The following MAN2A1 variants were observed in gnomAD, a reference collection of about 807,000 sequenced individuals.
MAN2A1 encodes mannosidase alpha class 2A member 1, also known as alpha-mannosidase 2.
A neutral mutation model predicts 142.6 loss-of-function variants in MAN2A1; 76 were observed. The ratio of observed to expected loss-of-function variants is 0.53; its 90% CI spans 0.44 to 0.65. The LOEUF is 0.65. Ranked by LOEUF, MAN2A1 falls within the 30% of genes least tolerant of loss-of-function variation. The pLI is 0.00. For missense variants in MAN2A1, 1,311 were observed against 1,365.1 expected (o/e 0.96, Z 0.62); for synonymous variants, 559 against 473.2 (o/e 1.18, Z -2.35).
rs1479431927 is a variant in MAN2A1, at chr5:109,766,913, G to A, written c.836-622G>A. On this transcript the variant is annotated intron_variant, in intron 5 of 21. Coordinates refer to ENST00000261483, the MANE Select transcript of MAN2A1 (RefSeq NM_002372.4). The stretch of plus-strand genomic sequence containing the variant: ...CTTTAGTCAGTAGTTCACATTATTG[G>A]TGTGAGCCAGCTATGAGAAATCACT... Among the ~76,000 whole-genome samples the A allele has an allele frequency of 3.9e-5, 6 of 151,928 alleles. No homozygotes were observed. The East Asian group carries it at 1.2e-3, about 29-fold the overall frequency.
Position 109,835,371 on chromosome 5 carries a change from TTAGA to T in MAN2A1, c.2567-6950_2567-6947del, listed in dbSNP as rs10561129. On this transcript the variant is annotated intron_variant, in intron 16 of 21. Coordinates refer to ENST00000261483, the MANE Select transcript of MAN2A1 (RefSeq NM_002372.4). ...GGAGGAAAGGAGATGAGAGCAACAA[TTAGA>T]TAGATAACAAGGTTCCCTTTGCCTG... Among the ~76,000 whole-genome samples the T allele has an allele frequency of 4.5e-3, 692 of 152,272 alleles. 6 individuals carry two copies. The highest frequency in any genetic ancestry group is 0.016 in the African/African-American group (657 of 41,560).
intron 8 of MAN2A1, 134 bp downstream of exon 8, chr5:109,775,099 A>G (rs1331485297): frequency 3.4e-5 from 21 of 616,852 alleles, no homozygotes; most frequent in Non-Finnish European, 5.1e-5. Context: ...TGTGTAAAAT[A>G]TAATCCATTA....
intron 16 of MAN2A1, among the ~76,000 whole-genome samples, chr5:109,832,156 G>GTTTTCTTT (rs1754924406): frequency 1.3e-5 from 1 of 79,230 alleles, no homozygotes; most frequent in Non-Finnish European, 2.6e-5. Flanking sequence ...AATGGAAGGA[G>GTTTTCTTT]TTTTCTTTTT....
intron 7 of MAN2A1, among the ~76,000 whole-genome samples, chr5:109,773,715 A>T (rs1753210976): frequency 6.6e-6 from 1 of 152,204 alleles, no homozygotes; most frequent in Non-Finnish European, 1.5e-5. Context: ...TTACAAATGT[A>T]AAAAGGACCA....
chr5:109,793,491 C>A (rs530318056), intron 12 of MAN2A1, among the ~76,000 whole-genome samples: 1 of 152,000 alleles, frequency 6.6e-6, no homozygotes, highest in South Asian at 2.1e-4. Flanking sequence ...CATAGAAGAA[C>A]ATGGTTCACA....
intron 16 of MAN2A1, among the ~76,000 whole-genome samples, chr5:109,838,277 G>C (rs1039874512): frequency 2.0e-5 from 3 of 152,064 alleles, no homozygotes; most frequent in Non-Finnish European, 4.4e-5. Context: ...GCAGCAAGAG[G>C]GCACATATTT....
chr5:109,805,844 G>A (rs1754150327), intron 12 of MAN2A1, among the ~76,000 whole-genome samples: 2 of 152,204 alleles, frequency 1.3e-5, no homozygotes, highest in African/African-American at 2.4e-5. Context: ...ATAACCAAGT[G>A]TTTCCAGTAA....
Position 109,826,950 on chromosome 5 carries a change from AT to A in MAN2A1, c.2566+3114del, listed in dbSNP as rs35995072. Reference sequence around the variant, plus strand: ...GCAAAGGAAACGTCAGCCAACTTCCATGCTGTTGTAGATTGGCTTTTAGCTA... The same window carrying A: ...GCAAAGGAAACGTCAGCCAACTTCCAGCTGTTGTAGATTGGCTTTTAGCTA... On this transcript the variant is annotated intron_variant, in intron 16 of 21. Transcript: ENST00000261483. Among the ~76,000 whole-genome samples, 966 of 152,384 alleles carry A rather than the reference AT, an allele frequency of 6.3e-3. 3 individuals are homozygous for A. The highest frequency in any genetic ancestry group is 0.01 in the Non-Finnish European group (700 of 68,038).
At chr5:109,725,810 T>C (rs1183207995) in intron 3 of MAN2A1, among the ~76,000 whole-genome samples, 2 of 152,196 alleles carry the variant, frequency 1.3e-5, no homozygotes, top group Non-Finnish European at 2.9e-5. Flanking sequence ...ATTTTAAAAA[T>C]AAATTGTGAT....
At chr5:109,775,784 A>G (rs1259329480) in intron 8 of MAN2A1, among the ~76,000 whole-genome samples, 1 of 152,182 alleles carries the variant, frequency 6.6e-6, no homozygotes, top group Non-Finnish European at 1.5e-5. Context: ...TAATTTCATG[A>G]TACATATCTG....
chr5:109,793,687 A>T (rs1269678603), intron 12 of MAN2A1, among the ~76,000 whole-genome samples: 1 of 152,200 alleles, frequency 6.6e-6, no homozygotes, highest in Non-Finnish European at 1.5e-5. Context: ...GTTTTATACC[A>T]TGAGACCTGA....
chr5:109,707,038 G>T (rs1751153576), intron 1 of MAN2A1, among the ~76,000 whole-genome samples: 1 of 152,132 alleles, frequency 6.6e-6, no homozygotes, highest in East Asian at 1.9e-4. Flanking sequence ...GGTTAGTGAT[G>T]GTAGTGAAAA....
intron 11 of MAN2A1, 25 bp downstream of exon 11, chr5:109,789,073 C>T (rs1488153144): frequency 8.5e-7 from 1 of 1,173,726 alleles, no homozygotes; most frequent in Admixed American, 2.0e-5. Flanking sequence ...CTATGGTCAT[C>T]ATAAAAATGT....
chr5:109,816,450 A>G (rs998602053), intron 12 of MAN2A1, among the ~76,000 whole-genome samples: 2 of 151,880 alleles, frequency 1.3e-5, no homozygotes, highest in Non-Finnish European at 2.9e-5. Context: ...TTTTTTTTTC[A>G]CCATTACTTA....
At chr5:109,827,185 T>G (rs1434318696) in intron 16 of MAN2A1, among the ~76,000 whole-genome samples, 2 of 152,204 alleles carry the variant, frequency 1.3e-5, no homozygotes, top group Admixed American at 6.5e-5. Context: ...TGTTTTATGA[T>G]TACATACTGT....
intron 12 of MAN2A1, among the ~76,000 whole-genome samples, chr5:109,795,278 G>C (rs1753831035): frequency 6.6e-6 from 1 of 152,090 alleles, no homozygotes; most frequent in Non-Finnish European, 1.5e-5. Context: ...CTTTGTTCCA[G>C]TCCCTCCCAC....
chr5:109,819,303 T>A (rs1561527932), intron 13 of MAN2A1, among the ~76,000 whole-genome samples: 2 of 152,212 alleles, frequency 1.3e-5, no homozygotes, highest in Non-Finnish European at 2.9e-5. Flanking sequence ...ATTTTCAAAT[T>A]CTAATTGGAC....
intron 19 of MAN2A1, among the ~76,000 whole-genome samples, chr5:109,851,342 C>G (rs1341942067): frequency 6.6e-6 from 1 of 152,094 alleles, no homozygotes; most frequent in Admixed American, 6.6e-5. Flanking sequence ...TGAATGTGTC[C>G]CCCAAAAGTT....
chr5:109,832,840 G>A (rs182690328), intron 16 of MAN2A1, among the ~76,000 whole-genome samples: 6 of 144,382 alleles, frequency 4.2e-5, no homozygotes, highest in East Asian at 3.9e-4. Context: ...TGGAGGGGGC[G>A]GCTGCCGGGC....
Sources: allele counts gnomAD v4.1 joint callset (sites outside exome capture counted in the v4.1 genomes callset), GRCh38; gene constraint gnomAD v4.1.1; transcripts MANE v1.5; gene names NCBI Gene and HGNC (gene_info 2026-07-23, HGNC 2026-07-21).